The following VPS54 variants were observed in gnomAD, a reference collection of about 807,000 sequenced individuals.
The protein encoded by VPS54 is VPS54 subunit of GARP complex, also known as vacuolar protein sorting-associated protein 54.
Under a neutral mutation model 121.5 loss-of-function variants are expected in VPS54, and 45 were observed. The ratio of observed to expected loss-of-function variants is 0.37; its 90% confidence interval spans 0.29 to 0.47. The LOEUF (loss-of-function observed/expected upper bound fraction) is 0.47. VPS54 is among the 20% of genes least tolerant of loss of function. The probability of loss-of-function intolerance (pLI) is 0.99; values close to 1 mark genes in which losing one functional copy is unlikely to be tolerated. For synonymous variants in VPS54, 371 were observed against 385.8 expected (o/e 0.96, Z 0.45); for missense variants, 1,090 against 1,131.4 (o/e 0.96, Z 0.52).
At chr2:63,943,762 T>C (rs1674848916) in intron 10 of VPS54, among the ~76,000 whole-genome samples, 1 of 147,882 alleles carries the variant, frequency 6.8e-6, no homozygotes, top group South Asian at 2.1e-4. Context: ...TCTTACTTCC[T>C]TGTGCAGGCT....
chr2:64,019,229 C>T lies in VPS54; in HGVS notation c.-312G>A, dbSNP rs1320816256. 6.7e-6 allele frequency among the ~76,000 whole-genome samples: 1 copy of T among 150,346 alleles called. No homozygotes were observed. Among genetic ancestry groups the T allele is most frequent in the Admixed American group, 6.6e-5 (1 of 15,148 alleles). On this transcript the variant is annotated 5_prime_UTR_variant, in exon 1 of 23. Coordinates refer to ENST00000272322, the MANE Select transcript of VPS54 (RefSeq NM_016516.3). ...GCAGTTTCCCCCGGGTCCGCAGCGC[C>T]GCCTCCGCCGCTGCTGCCACCGCCT...
intron 1 of VPS54, among the ~76,000 whole-genome samples, chr2:64,006,630 T>G (rs1678168997): frequency 7.7e-6 from 1 of 129,286 alleles, no homozygotes; most frequent in Non-Finnish European, 1.7e-5. Flanking sequence ...TATTATAAAC[T>G]TTTTTTTTTT....
chr2:63,940,670 TCACTTAAAGTC>T (rs1216337900), intron 11 of VPS54, among the ~76,000 whole-genome samples: 2 of 152,214 alleles, frequency 1.3e-5, no homozygotes, highest in Admixed American at 6.5e-5. Flanking sequence ...ATAAGTTGTT[TCACTTAAAGTC>T]ACAGTTTCCA....
At chr2:63,930,899 G>A (rs896618271) in intron 12 of VPS54, among the ~76,000 whole-genome samples, 15 of 152,112 alleles carry the variant, frequency 9.9e-5, no homozygotes, top group African/African-American at 2.4e-4. Context: ...AATCATGAGC[G>A]AACTCCCATT....
chr2:63,943,507 C>G (rs1311530039), intron 10 of VPS54, among the ~76,000 whole-genome samples: 1 of 152,112 alleles, frequency 6.6e-6, no homozygotes, highest in Non-Finnish European at 1.5e-5. Context: ...TCAACTAATT[C>G]TGAAATTGAG....
In VPS54 at chr2:63,995,356, T is replaced by C. The variant is rs1677530306; in HGVS notation, c.-20-11337A>G. On this transcript the variant is annotated intron_variant, in intron 1 of 22. Transcript: ENST00000272322. Reference sequence around the variant, plus strand: ...CATTTTGACTCCAGGAAAAGTATAATGTTGGTTCGAGCTGGAGAAGAAATC... The same window carrying C: ...CATTTTGACTCCAGGAAAAGTATAACGTTGGTTCGAGCTGGAGAAGAAATC... Among the ~76,000 whole-genome samples the C allele has an allele frequency of 3.9e-5, 6 of 152,260 alleles. No individual in the cohort carries two copies. In the South Asian group the frequency reaches 1.2e-3, roughly 31 times the overall value.
intron 11 of VPS54, among the ~76,000 whole-genome samples, chr2:63,935,006 C>A (rs559237776): frequency 6.6e-6 from 1 of 152,172 alleles, no homozygotes; most frequent in African/African-American, 2.4e-5. Flanking sequence ...GAAGCAGACT[C>A]TAACTTCGGG....
rs754812683 is a variant in VPS54, at chr2:63,912,529, T to C, written c.2544+11A>G. On this transcript the variant is annotated intron_variant, in intron 19 of 22. Transcript: ENST00000272322. ...TTATGAAACGCCAATAGAAAATATA[T>C]GAAAAAGTACCTTAGTGATATGATC... is the stretch of plus-strand genomic sequence containing the variant. The C allele has an allele frequency of 3.1e-6, 5 of 1,611,592 alleles. No individual in the cohort carries two copies. The highest frequency in any genetic ancestry group is 3.4e-5 in the Admixed American group (2 of 59,318).
At chr2:63,960,028 A>T (rs1358880318) in intron 7 of VPS54, among the ~76,000 whole-genome samples, 2 of 151,982 alleles carry the variant, frequency 1.3e-5, no homozygotes, top group African/African-American at 2.4e-5. Context: ...TCAAAAAAAT[A>T]AAAAATAAAT....
At chr2:63,925,680 T>C (rs543898632) in intron 12 of VPS54, among the ~76,000 whole-genome samples, 1 of 152,312 alleles carries the variant, frequency 6.6e-6, no homozygotes, top group East Asian at 1.9e-4. Flanking sequence ...CACTGCTACA[T>C]GTAACAACCT....
chr2:63,993,570 A>G (rs1677431835), intron 1 of VPS54, among the ~76,000 whole-genome samples: 2 of 152,366 alleles, frequency 1.3e-5, no homozygotes, highest in East Asian at 3.9e-4. Context: ...TTAATTGGAC[A>G]GACTCGGTGT....
rs1277916435 is a variant in VPS54 at position 64,010,670 on chromosome 2, T to C, written c.-21+8268A>G. Among the ~76,000 whole-genome samples, 3 of 151,992 alleles carry C rather than the reference T, an allele frequency of 2.0e-5. No individual in the cohort carries two copies. The East Asian group carries it at 5.8e-4, about 29-fold the overall frequency. On this transcript the variant is annotated intron_variant, in intron 1 of 22. Coordinates refer to ENST00000272322, the MANE Select transcript of VPS54 (RefSeq NM_016516.3). The stretch of plus-strand genomic sequence containing the variant: ...CACAAATAGCAATATACTTCTACAC[T>C]ATTTATCATTTGACAAAATCTAGTT...
At chr2:63,907,570 G>A (rs1362348680) in intron 20 of VPS54, among the ~76,000 whole-genome samples, 1 of 150,554 alleles carries the variant, frequency 6.6e-6, no homozygotes, top group African/African-American at 2.4e-5. Flanking sequence ...GACACAAGCA[G>A]CATGAACAGA....
chr2:63,957,848 G>A (rs1415223093), intron 7 of VPS54, among the ~76,000 whole-genome samples: 1 of 152,108 alleles, frequency 6.6e-6, no homozygotes, highest in Non-Finnish European at 1.5e-5. Flanking sequence ...GAATCTCCCA[G>A]AGAGCTTTCA....
intron 7 of VPS54, among the ~76,000 whole-genome samples, chr2:63,956,198 G>A (rs1176421323): frequency 6.6e-6 from 1 of 152,038 alleles, no homozygotes; most frequent in Non-Finnish European, 1.5e-5. Context: ...ATACAATGTG[G>A]ATGTTTTCTT....
At chr2:64,011,283 G>T (rs1486609971) in intron 1 of VPS54, among the ~76,000 whole-genome samples, 1 of 152,004 alleles carries the variant, frequency 6.6e-6, no homozygotes, top group Non-Finnish European at 1.5e-5. Flanking sequence ...AAAATTAAGG[G>T]GAGGCCGGGC....
rs754458382 is a variant in VPS54 at position 63,962,815 on chromosome 2, T to C, written c.625-372A>G. 6.6e-5 allele frequency among the ~76,000 whole-genome samples: 10 copies of C among 152,148 alleles called. No individual in the cohort carries two copies. In the East Asian group the frequency reaches 9.6e-4, roughly 15 times the overall value. On this transcript the variant is annotated intron_variant, in intron 6 of 22. Transcript: ENST00000272322. ...ATGATCTCCTTAGCCCCCAATATCA[T>C]TGCACATCATTTATCTGACTAAATA... is the stretch of plus-strand genomic sequence containing the variant.
intron 20 of VPS54, among the ~76,000 whole-genome samples, chr2:63,908,070 T>G (rs1575891655): frequency 6.6e-6 from 1 of 152,316 alleles, no homozygotes; most frequent in South Asian, 2.1e-4. Flanking sequence ...TCCAAGGTAT[T>G]TATACTAAAG....
chr2:63,940,946 C>T (rs1287191818), intron 11 of VPS54, among the ~76,000 whole-genome samples: 1 of 152,206 alleles, frequency 6.6e-6, no homozygotes. Flanking sequence ...AAATTAAGCA[C>T]AGTGAATCCC....
Sources: allele counts gnomAD v4.1 joint callset (sites outside exome capture counted in the v4.1 genomes callset), GRCh38; gene constraint gnomAD v4.1.1; transcripts MANE v1.5; gene names NCBI Gene and HGNC (gene_info 2026-07-23, HGNC 2026-07-21).